OPCML: variants seen among roughly 807,000 people sequenced by gnomAD.
OPCML encodes the protein opioid-binding protein/cell adhesion molecule.
OPCML carries 13 observed loss-of-function variants against 37.8 expected under a neutral mutation model. The observed-to-expected ratio is 0.34, with a 90% CI of 0.22 to 0.55. The LOEUF is 0.55. Among genes scored for constraint, OPCML ranks in the 20% least tolerant of loss-of-function variants. The probability of loss-of-function intolerance (pLI) is 0.91; values close to 1 mark genes in which losing one functional copy is unlikely to be tolerated. For synonymous variants in OPCML, 176 were observed against 168.8 expected, an observed-to-expected ratio of 1.04 and a Z score of -0.33; for missense variants, 341 against 435.6, an observed-to-expected ratio of 0.78 and a Z score of 1.93.
Position 132,574,720 on chromosome 11 carries a change from A to T in OPCML, c.380-45534T>A, listed in dbSNP as rs187271538. On this transcript the variant is annotated intron_variant, in intron 3 of 7. Transcript: ENST00000524381. The stretch of plus-strand genomic sequence containing the variant: ...GAAGAAATATCTGTGTGCATTTGGG[A>T]TGAACACGTATCTACTGTTGTTGGA... 1.4e-3 allele frequency among the ~76,000 whole-genome samples: 210 copies of T among 152,106 alleles called. 3 individuals are homozygous for T. The highest frequency in any genetic ancestry group is 0.014 in the Admixed American group (208 of 15,262).
chr11:133,245,229 G>T (rs924853971), intron 1 of OPCML, among the ~76,000 whole-genome samples: 3 of 152,198 alleles, frequency 2.0e-5, no homozygotes, highest in Admixed American at 6.5e-5. Context: ...CACTACAGGG[G>T]TCGTTCAAAG....
intron 4 of OPCML, among the ~76,000 whole-genome samples, chr11:132,489,295 TCTC>T (rs1254643118): frequency 6.6e-6 from 1 of 152,180 alleles, no homozygotes; most frequent in Admixed American, 6.5e-5. Flanking sequence ...GGAGCTGTCA[TCTC>T]CTGTGATAAC....
chr11:133,360,523 G>A (rs1592232458), intron 1 of OPCML: 1 of 152,202 alleles, frequency 6.6e-6, no homozygotes, highest in East Asian at 1.9e-4. Flanking sequence ...GATTTTGACA[G>A]GAATTGTGGA....
At chr11:133,112,725 G>A (rs1218287957) in intron 1 of OPCML, among the ~76,000 whole-genome samples, 2 of 152,148 alleles carry the variant, frequency 1.3e-5, no homozygotes, top group African/African-American at 2.4e-5. Flanking sequence ...CTCTCACACT[G>A]TAGTGCCATC....
chr11:133,230,087 A>C (rs1489320955), intron 1 of OPCML, among the ~76,000 whole-genome samples: 1 of 152,202 alleles, frequency 6.6e-6, no homozygotes, highest in Non-Finnish European at 1.5e-5. Context: ...AAAGCTTCCC[A>C]ATGCGTCCCA....
rs199586572 is a variant in OPCML at position 132,437,295 on chromosome 11, G to A, written c.570C>T (p.Ser190=). ...TCAACGCGCTGCATTCGTACTCCCC[G>A]GACTGGTCTCGCTTGATGTCAGAGA... ...LEISDIKRDQ[S]GEYECSALND... The change falls in exon 5 of 8, where the codon TCC becomes TCT. Residue 190 remains serine, a synonymous_variant. Transcript: ENST00000524381. 4.3e-5 allele frequency: 69 copies of A among 1,614,054 alleles called. No individual in the cohort carries two copies. The highest frequency in any genetic ancestry group is 8.9e-5 in the East Asian group (4 of 44,894).
At chr11:132,989,453 G>C (rs1032645690) in intron 1 of OPCML, among the ~76,000 whole-genome samples, 1 of 152,134 alleles carries the variant, frequency 6.6e-6, no homozygotes, top group Admixed American at 6.5e-5. Context: ...TAATTTTAGA[G>C]ACTCATATGT....
intron 2 of OPCML, among the ~76,000 whole-genome samples, chr11:132,898,865 G>A (rs1943947198): frequency 6.7e-6 from 1 of 149,966 alleles, no homozygotes; most frequent in African/African-American, 2.5e-5. Context: ...AGCCACTTTG[G>A]AGGCCTCATG....
chr11:132,597,851 G>A (rs1242005214), intron 3 of OPCML, among the ~76,000 whole-genome samples: 1 of 152,140 alleles, frequency 6.6e-6, no homozygotes, highest in African/African-American at 2.4e-5. Context: ...TATGCGTGTT[G>A]TTTAACACAT....
chr11:132,831,643 C>T (rs544374922), intron 2 of OPCML, among the ~76,000 whole-genome samples: 1 of 152,072 alleles, frequency 6.6e-6, no homozygotes, highest in Non-Finnish European at 1.5e-5. Context: ...CCAGGAATGA[C>T]CACTCGAGAC....
At chr11:133,150,393 T>G (rs968452954) in intron 1 of OPCML, among the ~76,000 whole-genome samples, 6 of 152,180 alleles carry the variant, frequency 3.9e-5, no homozygotes, top group African/African-American at 1.4e-4. Flanking sequence ...TTGCCTGAGT[T>G]GATGCAGGTG....
At chr11:133,487,409 T>C (rs1416568377) in intron 1 of OPCML, among the ~76,000 whole-genome samples, 1 of 152,162 alleles carries the variant, frequency 6.6e-6, no homozygotes, top group East Asian at 1.9e-4. Flanking sequence ...CTCAAATTTG[T>C]CCTTAGCTGA....
At chr11:132,678,241 C>A (rs1019866284) in intron 2 of OPCML, among the ~76,000 whole-genome samples, 9 of 152,122 alleles carry the variant, frequency 5.9e-5, no homozygotes, top group Non-Finnish European at 8.8e-5. Context: ...ACACTGACAA[C>A]AACAAATGGT....
intron 3 of OPCML, among the ~76,000 whole-genome samples, chr11:132,539,245 C>G (rs59522341): frequency 0.16 from 24,364 of 152,066 alleles, 3,008 homozygotes; most frequent in African/African-American, 0.35. Flanking sequence ...ATAGCCCATA[C>G]TAGGGATTTT....
intron 1 of OPCML, among the ~76,000 whole-genome samples, chr11:133,362,491 G>A (rs1266563240): frequency 5.3e-5 from 8 of 152,170 alleles, no homozygotes; most frequent in African/African-American, 1.4e-4. Flanking sequence ...GAAGTGAGCT[G>A]TTTCCTTGAT....
chr11:132,930,198 T>C (rs1182733921), intron 2 of OPCML, among the ~76,000 whole-genome samples: 3 of 152,030 alleles, frequency 2.0e-5, no homozygotes, highest in Non-Finnish European at 2.9e-5. Flanking sequence ...ACTCTGTCTC[T>C]ACAAAAAATA....
chr11:133,503,033 G>A (rs1191931018), intron 1 of OPCML, among the ~76,000 whole-genome samples: 4 of 152,134 alleles, frequency 2.6e-5, no homozygotes, highest in African/African-American at 4.8e-5. Context: ...ATATTGATGG[G>A]GCAGGAATGC....
intron 2 of OPCML, among the ~76,000 whole-genome samples, chr11:132,832,592 A>G (rs1246023815): frequency 6.6e-6 from 1 of 152,172 alleles, no homozygotes; most frequent in Non-Finnish European, 1.5e-5. Flanking sequence ...AGAAACAAAA[A>G]CGTGAAAAAA....
At chr11:132,647,838 A>C (rs1941234580) in intron 3 of OPCML, among the ~76,000 whole-genome samples, 1 of 152,190 alleles carries the variant, frequency 6.6e-6, no homozygotes, top group Non-Finnish European at 1.5e-5. Context: ...ATTACTGAAA[A>C]AGATTATTGA....
Sources: gnomAD v4.1 joint callset for allele counts (sites outside exome capture counted in the v4.1 genomes callset) on GRCh38, gnomAD v4.1.1 for gene constraint, MANE v1.5 for transcripts, NCBI Gene and HGNC (gene_info 2026-07-23, HGNC 2026-07-21) for gene names.